Variants in HMCN1 observed in about 807,000 individuals in gnomAD.
The protein encoded by HMCN1 is hemicentin 1.
Under a neutral mutation model 625.9 loss-of-function variants are expected in HMCN1, and 321 were observed. The ratio of observed to expected loss-of-function variants is 0.51; its 90% CI spans 0.47 to 0.56. HMCN1 has a LOEUF of 0.56. Ranked by LOEUF, HMCN1 falls within the 20% of genes least tolerant of loss-of-function variation. The pLI is 0.00. For synonymous variants in HMCN1, 2,425 were observed against 2,417.6 expected (o/e 1.00, Z -0.09); for missense variants, 6,588 against 6,887.3 (o/e 0.96, Z 1.54).
intron 86 of HMCN1, among the ~76,000 whole-genome samples, chr1:186,135,423 C>T (rs1180595466): frequency 6.6e-6 from 1 of 152,142 alleles, no homozygotes; most frequent in African/African-American, 2.4e-5. Context: ...TCATTTTAGA[C>T]TCTCTTCTGA....
At chr1:186,123,594 T>A (rs186861718) in intron 81 of HMCN1, among the ~76,000 whole-genome samples, 1 of 152,210 alleles carries the variant, frequency 6.6e-6, no homozygotes, top group African/African-American at 2.4e-5. Context: ...ATGACCTACA[T>A]TGTATGATTT....
intron 75 of HMCN1, 42 bp downstream of exon 75, chr1:186,115,456 T>A (rs879706341): frequency 6.4e-7 from 1 of 1,554,152 alleles, no homozygotes; most frequent in Non-Finnish European, 8.8e-7. Context: ...TTACAAACAG[T>A]TTGTAATGAA....
intron 14 of HMCN1, 56 bp from the exon 15 acceptor site, chr1:185,970,279 G>T: frequency 6.7e-7 from 1 of 1,485,936 alleles, no homozygotes; most frequent in South Asian, 1.1e-5. Context: ...ACCAATAGCT[G>T]CATAAACAAT....
intron 4 of HMCN1, among the ~76,000 whole-genome samples, chr1:185,887,964 C>T (rs1664778997): frequency 7.0e-6 from 1 of 142,328 alleles, no homozygotes; most frequent in Admixed American, 6.9e-5. Flanking sequence ...TCCTCTCCAG[C>T]ACCTGTTGTT....
chr1:186,131,718 GCCT>G (rs969137245), intron 85 of HMCN1, among the ~76,000 whole-genome samples: 3 of 152,078 alleles, frequency 2.0e-5, no homozygotes, highest in African/African-American at 7.2e-5. Context: ...CGAAATCTGT[GCCT>G]CTAGTCACCA....
intron 42 of HMCN1, among the ~76,000 whole-genome samples, chr1:186,050,376 T>C (rs995401030): frequency 4.0e-5 from 6 of 151,872 alleles, no homozygotes; most frequent in Non-Finnish European, 8.8e-5. Flanking sequence ...GTAAAAGGAA[T>C]GTATACAGAA....
Position 186,144,344 on chromosome 1 carries a change from G to A in HMCN1, c.14095+1G>A, listed in dbSNP as rs1650150540. 1.2e-6 allele frequency: 2 copies of A among 1,612,980 alleles called. No individual in the cohort carries two copies. Among genetic ancestry groups the A allele is most frequent in the South Asian group, 1.1e-5 (1 of 91,030 alleles). Reference sequence around the variant, plus strand: ...GTTTGCAATGAAAGAAATTGTCCAAGTAAGAGAAATACACTGTTTATACCT... The same window carrying A: ...GTTTGCAATGAAAGAAATTGTCCAAATAAGAGAAATACACTGTTTATACCT... On this transcript the variant is annotated splice_donor_variant, in intron 90 of 106. Coordinates refer to ENST00000271588, the MANE Select transcript of HMCN1 (RefSeq NM_031935.3). LOFTEE classifies it high-confidence loss of function.
At chr1:186,029,439 C>G (rs74134291) in intron 36 of HMCN1, among the ~76,000 whole-genome samples, 3,748 of 152,100 alleles carry the variant, frequency 0.025, 151 homozygotes, top group African/African-American at 0.085. Context: ...GAGTGTACAA[C>G]TCAGTCAATT....
chr1:186,130,117 CATTTTT>C lies in HMCN1; in HGVS notation c.13039+19_13039+24del, dbSNP rs1409083051. ...ATGTGAAAGGTAGGGAAAAGCGCTC[CATTTTT>C]AATTTATAATGCATTCATAATGAAT... On this transcript the variant is annotated intron_variant, in intron 84 of 106. Coordinates refer to ENST00000271588, the MANE Select transcript of HMCN1 (RefSeq NM_031935.3). The C allele has an allele frequency of 4.3e-6, 7 of 1,612,596 alleles. No individual in the cohort carries two copies. Among genetic ancestry groups the C allele is most frequent in the Non-Finnish European group, 5.9e-6 (7 of 1,179,100 alleles).
At chr1:186,094,835 C>G (rs889659186) in intron 67 of HMCN1, among the ~76,000 whole-genome samples, 1 of 152,116 alleles carries the variant, frequency 6.6e-6, no homozygotes, top group Admixed American at 6.6e-5. Context: ...TCCCCAAGAA[C>G]ACCTCAGTTA....
chr1:185,788,887 T>C (rs1363174589), intron 1 of HMCN1, among the ~76,000 whole-genome samples: 1 of 152,180 alleles, frequency 6.6e-6, no homozygotes, highest in African/African-American at 2.4e-5. Flanking sequence ...TTGATCATTA[T>C]TTGCCTTCTA....
Position 186,114,959 on chromosome 1 carries a change from T to C in HMCN1, c.11404+13T>C. 1 of 1,614,182 alleles carries C rather than the reference T, an allele frequency of 6.2e-7. No homozygotes were observed. The highest frequency in any genetic ancestry group is 8.5e-7 in the Non-Finnish European group (1 of 1,180,010). ...TTACAGGTCCATGGTAAATATCCGTTTATAGACAACATCCGGTCTCTGTGT... is the reference window on the plus strand; with the variant it reads ...TTACAGGTCCATGGTAAATATCCGTCTATAGACAACATCCGGTCTCTGTGT... On this transcript the variant is annotated intron_variant, in intron 74 of 106. Coordinates refer to ENST00000271588, the MANE Select transcript of HMCN1 (RefSeq NM_031935.3).
At chr1:185,942,965 G>A (rs775792959) in intron 11 of HMCN1, among the ~76,000 whole-genome samples, 1 of 151,858 alleles carries the variant, frequency 6.6e-6, no homozygotes, top group Non-Finnish European at 1.5e-5. Flanking sequence ...AAAAAAAGCT[G>A]TTTTTCCCTC....
At chr1:186,098,109 A>C (rs1293436132) in intron 68 of HMCN1, among the ~76,000 whole-genome samples, 1 of 152,178 alleles carries the variant, frequency 6.6e-6, no homozygotes, top group Non-Finnish European at 1.5e-5. Flanking sequence ...CTAGATGAAA[A>C]CACAGAGGAA....
chr1:185,937,666 G>A (rs1377402840), intron 11 of HMCN1, among the ~76,000 whole-genome samples: 1 of 152,004 alleles, frequency 6.6e-6, no homozygotes, highest in Non-Finnish European at 1.5e-5. Flanking sequence ...CAGATCATGA[G>A]GTCAGGAGAT....
chr1:185,808,634 G>T (rs963452960), intron 1 of HMCN1, among the ~76,000 whole-genome samples: 2 of 152,058 alleles, frequency 1.3e-5, no homozygotes, highest in African/African-American at 4.8e-5. Flanking sequence ...TTTTCTTTTT[G>T]TGGCAATAAA....
rs373682172 is a variant in HMCN1 at position 185,911,679 on chromosome 1, C to T, written c.799C>T (p.Leu267=). Reference sequence around the variant, plus strand: ...CTTTATGTTCTGTCTTTCAGGGAAGCTGATAAAAAAGGGATTTGGCCTGCA... The same window carrying T: ...CTTTATGTTCTGTCTTTCAGGGAAGTTGATAAAAAAGGGATTTGGCCTGCA... ...MIEIRNPLGK[L]IKKGFGLHEL... Residue 267 remains leucine, a synonymous_variant, in exon 6 of 107, where the codon CTG becomes TTG. Transcript: ENST00000271588. 1.1e-5 allele frequency: 18 copies of T among 1,608,028 alleles called. 1 individual carries two copies. In the South Asian group the frequency reaches 2.0e-4, roughly 18 times the overall value.
At chr1:185,930,934 A>ACACC (rs1378006657) in intron 10 of HMCN1, among the ~76,000 whole-genome samples, 1 of 151,890 alleles carries the variant, frequency 6.6e-6, no homozygotes, top group African/African-American at 2.4e-5. Context: ...ACACACACAC[A>ACACC]CACACACACA....
At chr1:186,105,504 T>C (rs1660567214) in intron 69 of HMCN1, among the ~76,000 whole-genome samples, 1 of 152,224 alleles carries the variant, frequency 6.6e-6, no homozygotes, top group Admixed American at 6.5e-5. Context: ...ACATCTTTTA[T>C]CAAACACTAG....
Sources: gnomAD v4.1 joint callset for allele counts (sites outside exome capture counted in the v4.1 genomes callset) on GRCh38, gnomAD v4.1.1 for gene constraint, MANE v1.5 for transcripts, NCBI Gene and HGNC (gene_info 2026-07-23, HGNC 2026-07-21) for gene names.